The following TEX36 variants were observed in gnomAD, a reference collection of about 807,000 sequenced individuals.
The protein encoded by TEX36 is testis expressed 36.
Under a neutral mutation model 13.6 loss-of-function variants are expected in TEX36, and 12 were observed. The observed-to-expected ratio is 0.88, with a 90% CI of 0.56 to 1.43. The LOEUF (loss-of-function observed/expected upper bound fraction) is 1.43, where lower values mean the gene tolerates loss of function less well. TEX36 is among the 40% of genes most tolerant of loss of function. The pLI, the probability that TEX36 is intolerant of heterozygous loss-of-function variation, is 0.00. For missense variants in TEX36, 224 were observed against 228.3 expected (o/e 0.98, Z 0.12); for synonymous variants, 93 against 83.0 (o/e 1.12, Z -0.65).
At chr10:125,667,449 T>A in intron 1 of TEX36, 2 of 703,582 alleles carry the variant, frequency 2.8e-6, no homozygotes, top group Non-Finnish European at 2.7e-6. Flanking sequence ...AGGACGTTGG[T>A]ATTTTCCATG....
chr10:125,600,301 G>A (rs1488305894), intron 3 of TEX36, among the ~76,000 whole-genome samples: 10 of 152,154 alleles, frequency 6.6e-5, no homozygotes, highest in South Asian at 2.1e-4. Context: ...GCTGGCTCAC[G>A]TGTAGGCTGA....
intron 3 of TEX36, among the ~76,000 whole-genome samples, chr10:125,603,736 A>G (rs1269856713): frequency 1.3e-5 from 2 of 152,100 alleles, no homozygotes; most frequent in African/African-American, 4.8e-5. Context: ...TCCCTTATGC[A>G]GTCCTAATAT....
intron 3 of TEX36, among the ~76,000 whole-genome samples, chr10:125,597,800 G>A (rs1846099362): frequency 6.6e-6 from 1 of 152,134 alleles, no homozygotes; most frequent in African/African-American, 2.4e-5. Context: ...ACAATGGTTG[G>A]CATTTTCCAT....
chr10:125,651,538 T>A (rs1048903039), downstream of TEX36, among the ~76,000 whole-genome samples: 18 of 152,096 alleles, frequency 1.2e-4, no homozygotes, highest in African/African-American at 4.3e-4. Context: ...ACAGCCAATA[T>A]CATACTGAAA....
chr10:125,606,057 G>C (rs1846212017), intron 3 of TEX36, among the ~76,000 whole-genome samples: 1 of 152,086 alleles, frequency 6.6e-6, no homozygotes, highest in Non-Finnish European at 1.5e-5. Flanking sequence ...TTTTATGCAG[G>C]AGTTTACCAG....
intron 3 of TEX36, among the ~76,000 whole-genome samples, chr10:125,594,146 C>T (rs900744116): frequency 2.0e-5 from 3 of 152,120 alleles, no homozygotes; most frequent in African/African-American, 7.2e-5. Flanking sequence ...GGAAGAGGGA[C>T]CCCACCTTAC....
chr10:125,597,228 C>A (rs941376258), intron 3 of TEX36, among the ~76,000 whole-genome samples: 2 of 152,164 alleles, frequency 1.3e-5, no homozygotes, highest in African/African-American at 4.8e-5. Context: ...GACTTCACAT[C>A]AAACTCTACT....
Position 125,632,694 on chromosome 10 carries a change from C to T in TEX36, c.265-11049G>A, listed in dbSNP as rs573733378. 1.8e-4 allele frequency among the ~76,000 whole-genome samples: 28 copies of T among 152,310 alleles called. 1 individual carries two copies. Among genetic ancestry groups the T allele is most frequent in the African/African-American group, 5.5e-4 (23 of 41,562 alleles). ...GCTGCACGAGCTGCTCAGCTACAGTCCCTGTTCCACCTGGCAGTATGGGCT... is the reference window on the plus strand; with the variant it reads ...GCTGCACGAGCTGCTCAGCTACAGTTCCTGTTCCACCTGGCAGTATGGGCT... On this transcript the variant is annotated intron_variant, in intron 3 of 3. Coordinates refer to the TEX36 transcript ENST00000526819.
chr10:125,610,054 T>G (rs1337696266), intron 3 of TEX36, among the ~76,000 whole-genome samples: 2 of 152,216 alleles, frequency 1.3e-5, no homozygotes, highest in African/African-American at 4.8e-5. Context: ...ACCACTGCCA[T>G]GACAGCTTAC....
intron 3 of TEX36, among the ~76,000 whole-genome samples, chr10:125,588,451 A>G (rs1361860279): frequency 6.6e-6 from 1 of 152,244 alleles, no homozygotes; most frequent in Non-Finnish European, 1.5e-5. Flanking sequence ...TGCAGGCTCT[A>G]CAGGAAGCAG....
At chr10:125,606,991 G>A (rs192227761) in intron 3 of TEX36, among the ~76,000 whole-genome samples, 1 of 152,274 alleles carries the variant, frequency 6.6e-6, no homozygotes, top group African/African-American at 2.4e-5. Context: ...GATTCTCATG[G>A]TTTTCCTAGG....
At chr10:125,641,268 C>T (rs1334698620) in intron 3 of TEX36, among the ~76,000 whole-genome samples, 5 of 152,200 alleles carry the variant, frequency 3.3e-5, no homozygotes, top group Non-Finnish European at 7.3e-5. Context: ...AAAAAGAAGG[C>T]ACAAGGCAAC....
intron 3 of TEX36, among the ~76,000 whole-genome samples, chr10:125,587,999 G>C (rs573932030): frequency 6.6e-6 from 1 of 152,198 alleles, no homozygotes; most frequent in Admixed American, 6.5e-5. Flanking sequence ...ATCTGGTGTG[G>C]ATACCATAAT....
chr10:125,641,384 G>T (rs999563404), intron 3 of TEX36, among the ~76,000 whole-genome samples: 1 of 152,320 alleles, frequency 6.6e-6, no homozygotes, highest in Middle Eastern at 3.4e-3. Context: ...TCATCACTTT[G>T]CCCTTCTAAC....
intron 3 of TEX36, among the ~76,000 whole-genome samples, chr10:125,629,976 A>G (rs1846532700): frequency 6.6e-6 from 1 of 152,138 alleles, no homozygotes; most frequent in African/African-American, 2.4e-5. Context: ...ATGCATCTGT[A>G]TGATCACATA....
At chr10:125,627,740 T>C (rs753356325) in intron 3 of TEX36, among the ~76,000 whole-genome samples, 7 of 152,352 alleles carry the variant, frequency 4.6e-5, no homozygotes, top group African/African-American at 7.2e-5. Flanking sequence ...TCCTGTTTTA[T>C]CCTTGAGAAA....
chr10:125,590,614 T>A (rs779917462), intron 3 of TEX36, among the ~76,000 whole-genome samples: 3 of 152,126 alleles, frequency 2.0e-5, no homozygotes, highest in Non-Finnish European at 2.9e-5. Flanking sequence ...ACCAGTCCCA[T>A]CCAGTGGAAG....
At chr10:125,588,351 A>C (rs1488764759) in intron 3 of TEX36, among the ~76,000 whole-genome samples, 1 of 152,210 alleles carries the variant, frequency 6.6e-6, no homozygotes, top group East Asian at 1.9e-4. Context: ...CTTACTGTGA[A>C]TATGCGTTAG....
chr10:125,587,816 T>C (rs1360510413), intron 3 of TEX36, among the ~76,000 whole-genome samples: 1 of 150,104 alleles, frequency 6.7e-6, no homozygotes, highest in Non-Finnish European at 1.5e-5. Context: ...AAAGACACTT[T>C]ATACACATGA....
Sources: gnomAD v4.1 joint callset for allele counts (sites outside exome capture counted in the v4.1 genomes callset) on GRCh38, gnomAD v4.1.1 for gene constraint, MANE v1.5 for transcripts, NCBI Gene and HGNC (gene_info 2026-07-23, HGNC 2026-07-21) for gene names.